Variants in PAPPA2 observed in about 807,000 individuals in gnomAD.
PAPPA2 encodes the protein pappalysin 2.
A neutral mutation model predicts 176.4 loss-of-function variants in PAPPA2; 86 were observed. The observed-to-expected ratio is 0.49, with a 90% CI of 0.41 to 0.58. The LOEUF is 0.58. Among genes scored for constraint, PAPPA2 ranks in the 20% least tolerant of loss-of-function variants. The pLI is 0.00. For missense variants in PAPPA2, 2,073 were observed against 2,256.9 expected (o/e 0.92, Z 1.65); for synonymous variants, 809 against 852.2 (o/e 0.95, Z 0.88).
chr1:176,529,834 T>C (rs1649709645), intron 1 of PAPPA2, among the ~76,000 whole-genome samples: 1 of 152,184 alleles, frequency 6.6e-6, no homozygotes, highest in Admixed American at 6.5e-5. Context: ...GCATGCGTTT[T>C]GCTACTTACT....
intron 3 of PAPPA2, among the ~76,000 whole-genome samples, chr1:176,644,704 T>G (rs1018924803): frequency 8.6e-5 from 13 of 151,766 alleles, no homozygotes; most frequent in Admixed American, 4.0e-4. Flanking sequence ...GCTGCAGTAA[T>G]ACAGAATGTG....
At chr1:176,676,976 C>T (rs1360796094) in intron 4 of PAPPA2, among the ~76,000 whole-genome samples, 3 of 152,020 alleles carry the variant, frequency 2.0e-5, no homozygotes, top group African/African-American at 7.2e-5. Flanking sequence ...ATATTTTATT[C>T]TTAATCCTTT....
At chr1:176,770,657 A>T (rs1194801725) in intron 16 of PAPPA2, among the ~76,000 whole-genome samples, 1 of 152,214 alleles carries the variant, frequency 6.6e-6, no homozygotes, top group Non-Finnish European at 1.5e-5. Context: ...CTATGATAAC[A>T]TCACTGCTAT....
At chr1:176,739,011 A>G (rs533111662) in intron 12 of PAPPA2, among the ~76,000 whole-genome samples, 1 of 152,096 alleles carries the variant, frequency 6.6e-6, no homozygotes, top group African/African-American at 2.4e-5. Flanking sequence ...CTGGGTATAC[A>G]TGCTTGATGC....
intron 3 of PAPPA2, among the ~76,000 whole-genome samples, chr1:176,600,948 A>G (rs1348805855): frequency 3.9e-5 from 6 of 152,136 alleles, no homozygotes; most frequent in East Asian, 1.9e-4. Flanking sequence ...ATCCTGTTCA[A>G]TCTTCCTGCT....
chr1:176,748,624 G>T (rs1288654717), intron 14 of PAPPA2, among the ~76,000 whole-genome samples: 1 of 152,014 alleles, frequency 6.6e-6, no homozygotes, highest in Non-Finnish European at 1.5e-5. Context: ...TTACAGTCAT[G>T]TACCACATTA....
chr1:176,712,067 C>A, intron 12 of PAPPA2, 86 bp downstream of exon 12: 1 of 1,434,632 alleles, frequency 7.0e-7, no homozygotes, highest in Non-Finnish European at 9.4e-7. Flanking sequence ...GTAAATGGTG[C>A]ATTTGGATGA....
At chr1:176,634,166 C>T (rs1339220480) in intron 3 of PAPPA2, among the ~76,000 whole-genome samples, 1 of 152,188 alleles carries the variant, frequency 6.6e-6, no homozygotes, top group Non-Finnish European at 1.5e-5. Context: ...CAACACTACT[C>T]ACAATAGCAA....
intron 13 of PAPPA2, 79 bp from the exon 14 acceptor site, chr1:176,739,901 G>C: frequency 6.3e-7 from 1 of 1,576,742 alleles, no homozygotes; most frequent in Non-Finnish European, 8.7e-7. Context: ...CACCTATTAA[G>C]AGGATAAAAT....
At chr1:176,759,986 G>A (rs556312096) in intron 14 of PAPPA2, among the ~76,000 whole-genome samples, 9 of 151,822 alleles carry the variant, frequency 5.9e-5, no homozygotes, top group Non-Finnish European at 1.0e-4. Flanking sequence ...TAAGAGATCT[G>A]CACACACTGA....
chr1:176,522,493 T>A (rs1649267892), intron 1 of PAPPA2, among the ~76,000 whole-genome samples: 1 of 152,180 alleles, frequency 6.6e-6, no homozygotes, highest in African/African-American at 2.4e-5. Flanking sequence ...AAGCAGCTTG[T>A]CTAGGTATGT....
chr1:176,570,612 T>C (rs1182049697), intron 2 of PAPPA2, among the ~76,000 whole-genome samples: 1 of 151,568 alleles, frequency 6.6e-6, no homozygotes, highest in Non-Finnish European at 1.5e-5. Context: ...AAAAGGGAAC[T>C]TGGGCAATGC....
intron 3 of PAPPA2, among the ~76,000 whole-genome samples, chr1:176,618,183 G>A (rs891328393): frequency 6.6e-6 from 1 of 152,142 alleles, no homozygotes; most frequent in Non-Finnish European, 1.5e-5. Flanking sequence ...TTTCCACTTT[G>A]GAATGTTGCA....
intron 6 of PAPPA2, 31 bp downstream of exon 6, chr1:176,692,349 G>T: frequency 6.4e-7 from 1 of 1,553,682 alleles, no homozygotes; most frequent in Non-Finnish European, 8.8e-7. Context: ...GGGTGAGCTG[G>T]CTTATTTCTC....
intron 2 of PAPPA2, among the ~76,000 whole-genome samples, chr1:176,584,927 A>G (rs1266625237): frequency 2.0e-5 from 3 of 151,966 alleles, no homozygotes; most frequent in Non-Finnish European, 4.4e-5. Flanking sequence ...TTTAGTAGAG[A>G]TGGGTTTTCA....
At chr1:176,591,819 A>C (rs1476968900) in intron 2 of PAPPA2, among the ~76,000 whole-genome samples, 1 of 152,222 alleles carries the variant, frequency 6.6e-6, no homozygotes, top group Admixed American at 6.5e-5. Context: ...GATCTAGTAT[A>C]ATTTTTAAAC....
chr1:176,833,757 G>A (rs909549087), intron 21 of PAPPA2, among the ~76,000 whole-genome samples: 2 of 151,902 alleles, frequency 1.3e-5, no homozygotes, highest in African/African-American at 2.4e-5. Context: ...TGTGTACCAT[G>A]TTCTTCACTT....
intron 21 of PAPPA2, among the ~76,000 whole-genome samples, chr1:176,801,600 C>A (rs538696822): frequency 4.4e-4 from 67 of 151,670 alleles, no homozygotes; most frequent in Admixed American, 2.0e-3. Context: ...GGGGTGGGGA[C>A]GCGGGAGAGA....
chr1:176,664,569 C>T (rs1420451670), intron 3 of PAPPA2, among the ~76,000 whole-genome samples: 1 of 152,086 alleles, frequency 6.6e-6, no homozygotes, highest in East Asian at 1.9e-4. Flanking sequence ...TCCTTTTTGC[C>T]ATGTAAGATG....
Sources: allele counts gnomAD v4.1 joint callset (sites outside exome capture counted in the v4.1 genomes callset), GRCh38; gene constraint gnomAD v4.1.1; transcripts MANE v1.5; gene names NCBI Gene and HGNC (gene_info 2026-07-23, HGNC 2026-07-21).